LAMA2: variants seen among roughly 807,000 people sequenced by gnomAD.
LAMA2 encodes laminin subunit alpha-2.
In LAMA2, 269 loss-of-function variants were observed where a neutral mutation model predicts 364.8. That is an observed-to-expected ratio of 0.74 (90% CI 0.67 to 0.82). LAMA2 has a LOEUF of 0.82. LAMA2 is among the 40% of genes least tolerant of loss of function. The pLI, the probability that LAMA2 is intolerant of heterozygous loss-of-function variation, is 0.00. For missense variants in LAMA2, 3,807 were observed against 3,873.2 expected (o/e 0.98, Z 0.45); for synonymous variants, 1,379 against 1,370.6 (o/e 1.01, Z -0.14).
intron 12 of LAMA2, among the ~76,000 whole-genome samples, chr6:129,208,181 G>A (rs1370823963): frequency 2.0e-5 from 3 of 152,122 alleles, no homozygotes; most frequent in Non-Finnish European, 4.4e-5. Flanking sequence ...TTGTGTTAGC[G>A]TTAGAAGAAA....
chr6:129,195,667 G>C (rs138257689), intron 12 of LAMA2, among the ~76,000 whole-genome samples: 2 of 152,220 alleles, frequency 1.3e-5, no homozygotes, highest in African/African-American at 4.8e-5. Flanking sequence ...ATTAAATCAG[G>C]CACCCACAGG....
chr6:129,233,157 C>G (rs114800290), intron 12 of LAMA2, among the ~76,000 whole-genome samples: 1 of 152,126 alleles, frequency 6.6e-6, no homozygotes, highest in Non-Finnish European at 1.5e-5. Flanking sequence ...TTGGAATATT[C>G]GCCTACAGAA....
At chr6:129,290,619 A>G (rs1049633885) in intron 19 of LAMA2, among the ~76,000 whole-genome samples, 2 of 152,292 alleles carry the variant, frequency 1.3e-5, no homozygotes, top group Non-Finnish European at 1.5e-5. Context: ...AAAATCATCT[A>G]TGAGTAGCCT....
chr6:128,916,367 A>G (rs555667625), intron 1 of LAMA2, among the ~76,000 whole-genome samples: 3 of 152,324 alleles, frequency 2.0e-5, no homozygotes, highest in African/African-American at 7.2e-5. Context: ...CAAAATAAAT[A>G]TAATAATCAG....
intron 40 of LAMA2, among the ~76,000 whole-genome samples, chr6:129,407,981 G>T (rs1780331860): frequency 6.6e-6 from 1 of 152,156 alleles, no homozygotes; most frequent in Non-Finnish European, 1.5e-5. Context: ...AGGTAGGAGG[G>T]CCCCAATTGG....
At chr6:129,304,736 T>C (rs895224709) in intron 22 of LAMA2, among the ~76,000 whole-genome samples, 1 of 152,246 alleles carries the variant, frequency 6.6e-6, no homozygotes, top group East Asian at 1.9e-4. Context: ...TTAATTTATT[T>C]TGGGGATAAT....
chr6:129,011,851 T>C (rs1784788575), intron 1 of LAMA2, among the ~76,000 whole-genome samples: 1 of 152,236 alleles, frequency 6.6e-6, no homozygotes, highest in Non-Finnish European at 1.5e-5. Flanking sequence ...GTAGGTAGAA[T>C]TGTAAATGTC....
intron 40 of LAMA2, among the ~76,000 whole-genome samples, chr6:129,409,930 C>T (rs947443967): frequency 1.3e-5 from 2 of 152,176 alleles, no homozygotes; most frequent in East Asian, 3.9e-4. Context: ...AGTTGGCACT[C>T]AGTATTAACC....
At chr6:128,911,360 T>G (rs896255839) in intron 1 of LAMA2, among the ~76,000 whole-genome samples, 2 of 152,040 alleles carry the variant, frequency 1.3e-5, no homozygotes, top group African/African-American at 2.4e-5. Flanking sequence ...TTTAAGCCCG[T>G]CGGAAAGGCG....
intron 3 of LAMA2, among the ~76,000 whole-genome samples, chr6:129,094,954 G>A (rs1484757562): frequency 6.6e-6 from 1 of 152,100 alleles, no homozygotes; most frequent in Admixed American, 6.5e-5. Context: ...ATGCTAACTG[G>A]GATTCAAGCT....
intron 40 of LAMA2, among the ~76,000 whole-genome samples, chr6:129,407,304 A>G (rs1780296939): frequency 6.6e-6 from 1 of 152,158 alleles, no homozygotes; most frequent in Admixed American, 6.5e-5. Flanking sequence ...ACCCATACAC[A>G]TCTCCTGAAA....
chr6:129,361,695 A>ATGT (rs1336929681), intron 32 of LAMA2, among the ~76,000 whole-genome samples: 2 of 151,506 alleles, frequency 1.3e-5, no homozygotes, highest in African/African-American at 4.8e-5. Flanking sequence ...TGGTCAGAGT[A>ATGT]TGTTGCAAAG....
chr6:129,254,620 A>G (rs930596834), intron 14 of LAMA2, among the ~76,000 whole-genome samples: 1 of 152,328 alleles, frequency 6.6e-6, no homozygotes, highest in East Asian at 1.9e-4. Context: ...TACATATGAC[A>G]GTTCTTACTA....
chr6:129,270,417 T>C (rs1054404064), intron 16 of LAMA2, among the ~76,000 whole-genome samples: 3 of 152,116 alleles, frequency 2.0e-5, no homozygotes, highest in Non-Finnish European at 4.4e-5. Flanking sequence ...TTTGTAAGTA[T>C]GCATATGCTG....
At chr6:129,141,363 A>G (rs1386198786) in intron 4 of LAMA2, among the ~76,000 whole-genome samples, 1 of 152,082 alleles carries the variant, frequency 6.6e-6, no homozygotes, top group Non-Finnish European at 1.5e-5. Context: ...CTTGAGGAAT[A>G]TACAAGATCT....
chr6:129,139,417 A>G (rs890477228), intron 4 of LAMA2, among the ~76,000 whole-genome samples: 1 of 152,152 alleles, frequency 6.6e-6, no homozygotes, highest in South Asian at 2.1e-4. Flanking sequence ...CCTAAATAAT[A>G]TGGTATAACA....
At chr6:129,390,683 A>G (rs949244319) in intron 35 of LAMA2, among the ~76,000 whole-genome samples, 3 of 152,188 alleles carry the variant, frequency 2.0e-5, no homozygotes, top group African/African-American at 4.8e-5. Flanking sequence ...AACTAATAAT[A>G]TAACTGTGTA....
At chr6:128,966,949 C>G (rs1781879012) in intron 1 of LAMA2, among the ~76,000 whole-genome samples, 1 of 152,102 alleles carries the variant, frequency 6.6e-6, no homozygotes, top group Non-Finnish European at 1.5e-5. Context: ...TGAAAGGCAC[C>G]ATTCTTCCTC....
chr6:129,128,159 C>A (rs973262711), intron 4 of LAMA2, among the ~76,000 whole-genome samples: 1 of 152,062 alleles, frequency 6.6e-6, no homozygotes, highest in Non-Finnish European at 1.5e-5. Context: ...TAATTCATTT[C>A]GAATTGAGTT....
Sources: allele counts gnomAD v4.1 joint callset (sites outside exome capture counted in the v4.1 genomes callset), GRCh38; gene constraint gnomAD v4.1.1; transcripts MANE v1.5; gene names NCBI Gene and HGNC (gene_info 2026-07-23, HGNC 2026-07-21).